The following ATRX variants were observed in gnomAD, a reference collection of about 807,000 sequenced individuals.
ATRX encodes ATRX chromatin remodeler.
A neutral mutation model predicts 172.6 loss-of-function variants in ATRX; 12 were observed. The observed-to-expected ratio is 0.07, with a 90% CI of 0.04 to 0.11. The LOEUF is 0.11. ATRX is among the 10% of genes least tolerant of loss of function. The pLI is 1.00. For missense variants in ATRX, 1,368 were observed against 1,767.4 expected (o/e 0.77, Z 4.05); for synonymous variants, 674 against 594.7 (o/e 1.13, Z -1.94).
At chrX:77,540,682 A>G (rs782676940) in intron 30 of ATRX, among the ~76,000 whole-genome samples, 46 of 112,263 alleles carry the variant, frequency 4.1e-4, no homozygotes, top group Non-Finnish European at 7.1e-4. Flanking sequence ...CTGCACAACT[A>G]CATGGAAACT....
At chrX:77,606,951 A>ATATCCTCT (rs2066934218) in intron 22 of ATRX, among the ~76,000 whole-genome samples, 2 of 111,694 alleles carry the variant, frequency 1.8e-5, no homozygotes, top group Non-Finnish European at 3.8e-5. Flanking sequence ...CATAATAAAA[A>ATATCCTCT]GCCCTAAAAA....
intron 1 of ATRX, among the ~76,000 whole-genome samples, chrX:77,724,384 A>C (rs1359838715): frequency 2.7e-5 from 3 of 110,666 alleles, no homozygotes; most frequent in Non-Finnish European, 5.7e-5. Flanking sequence ...TGAAAAAGAA[A>C]AAAAAAACTT....
intron 19 of ATRX, among the ~76,000 whole-genome samples, chrX:77,624,362 A>G (rs1468132619): frequency 2.7e-5 from 3 of 110,934 alleles, no homozygotes; most frequent in African/African-American, 9.8e-5. Context: ...GCGAGACTCC[A>G]TCTCAAAAAA....
chrX:77,693,126 A>G (rs188071825), intron 6 of ATRX, among the ~76,000 whole-genome samples: 77 of 110,814 alleles, frequency 6.9e-4, no homozygotes, highest in Non-Finnish European at 1.1e-3. Flanking sequence ...GACTCAAGTA[A>G]TTCTCCTGCC....
At chrX:77,565,437 T>C (rs1259300547) in intron 28 of ATRX, among the ~76,000 whole-genome samples, 1 of 112,288 alleles carries the variant, frequency 8.9e-6, no homozygotes, top group East Asian at 2.8e-4. Context: ...GATGTTAGAA[T>C]TGTCTGACAA....
intron 34 of ATRX, among the ~76,000 whole-genome samples, chrX:77,514,982 C>T (rs782256866): frequency 5.1e-4 from 57 of 112,225 alleles, no homozygotes; most frequent in Non-Finnish European, 7.7e-4. Flanking sequence ...AGAAAACACA[C>T]ACGTGGCCAA....
intron 25 of ATRX, among the ~76,000 whole-genome samples, chrX:77,598,656 T>G (rs1177471553): frequency 9.0e-6 from 1 of 111,393 alleles, no homozygotes; most frequent in Admixed American, 9.6e-5. Flanking sequence ...CTATTTCAAA[T>G]AGGCAGACAT....
intron 1 of ATRX, among the ~76,000 whole-genome samples, chrX:77,747,507 GAGT>G (rs2075130896): frequency 1.8e-5 from 2 of 111,633 alleles, no homozygotes; most frequent in Non-Finnish European, 3.8e-5. Flanking sequence ...CTGAGCTATA[GAGT>G]GAGACTGTCT....
chrX:77,568,476 T>C (rs1170674567), intron 28 of ATRX, among the ~76,000 whole-genome samples: 2 of 112,150 alleles, frequency 1.8e-5, no homozygotes, highest in Admixed American at 1.9e-4. Context: ...GAAATTTAAT[T>C]AGTGATTTTT....
intron 29 of ATRX, 63 bp downstream of exon 29, chrX:77,558,606 A>G (rs2064889112): frequency 5.0e-6 from 5 of 996,847 alleles, no homozygotes; most frequent in African/African-American, 1.9e-5. Flanking sequence ...TATGTTCCAT[A>G]TCTCTAAAAT....
At chrX:77,725,520 T>C (rs1557172188) in intron 1 of ATRX, among the ~76,000 whole-genome samples, 1 of 111,842 alleles carries the variant, frequency 8.9e-6, no homozygotes, top group Admixed American at 9.5e-5. Flanking sequence ...ATAAAAACCC[T>C]AGAAGAAAAC....
At chrX:77,710,825 T>C (rs1385746568) in intron 2 of ATRX, among the ~76,000 whole-genome samples, 1 of 110,643 alleles carries the variant, frequency 9.0e-6, no homozygotes, top group African/African-American at 3.3e-5. Flanking sequence ...TGGGTGTGAT[T>C]ATAAAATGCC....
intron 1 of ATRX, among the ~76,000 whole-genome samples, chrX:77,720,762 T>G (rs2073714416): frequency 8.9e-6 from 1 of 111,928 alleles, no homozygotes; most frequent in African/African-American, 3.3e-5. Flanking sequence ...GAGGAGCTGG[T>G]ACCATTCCTT....
At chrX:77,610,868 T>C (rs1022960271) in intron 22 of ATRX, among the ~76,000 whole-genome samples, 9 of 108,488 alleles carry the variant, frequency 8.3e-5, no homozygotes, top group Non-Finnish European at 1.3e-4. Context: ...TTCATTATTA[T>C]AAATAATGCC....
intron 22 of ATRX, among the ~76,000 whole-genome samples, chrX:77,602,379 T>C (rs1468046774): frequency 9.1e-6 from 1 of 110,449 alleles, no homozygotes; most frequent in Non-Finnish European, 1.9e-5. Context: ...TATGTTAATC[T>C]TTTCAAAGAA....
chrX:77,781,343 G>GA (rs1243504655), intron 1 of ATRX, among the ~76,000 whole-genome samples: 1 of 106,923 alleles, frequency 9.4e-6, no homozygotes, highest in African/African-American at 3.4e-5. Flanking sequence ...TCGGGAGGCT[G>GA]AGGCAGGAGA....
At position 77,681,797 on chromosome X, in the gene ATRX, T is replaced by C. The variant is rs782427169; in HGVS notation, c.3459A>G (p.Ser1153=). The C allele has an allele frequency of 3.2e-5, 38 of 1,196,119 alleles. No individual in the cohort carries two copies. The highest frequency in any genetic ancestry group is 1.0e-5 in the Non-Finnish European group (9 of 890,965). The stretch of plus-strand genomic sequence containing the variant: ...AACTTTCCTCAGCATCAGATGATGA[T>C]GAGCCACTTTGTATTTCCTTAGTAT... ...KRNTKEIQSG[S]SSSDAEESSE... is the part of the protein sequence containing the mutation. Residue 1153 remains serine, a synonymous_variant, in exon 9 of 35, where the codon TCA becomes TCG. Coordinates refer to ENST00000373344, the MANE Select transcript of ATRX (RefSeq NM_000489.6).
intron 27 of ATRX, among the ~76,000 whole-genome samples, chrX:77,582,434 A>G (rs1361412813): frequency 1.8e-5 from 2 of 110,966 alleles, no homozygotes; most frequent in African/African-American, 3.3e-5. Context: ...AAAGAAGAGA[A>G]GAGAAGAATT....
chrX:77,532,885 A>G (rs1181622815), intron 30 of ATRX, among the ~76,000 whole-genome samples: 1 of 112,254 alleles, frequency 8.9e-6, no homozygotes, highest in Non-Finnish European at 1.9e-5. Context: ...AACGTTTGCA[A>G]TCTATCTATA....
Sources: allele counts gnomAD v4.1 joint callset (sites outside exome capture counted in the v4.1 genomes callset), GRCh38; gene constraint gnomAD v4.1.1; transcripts MANE v1.5; gene names NCBI Gene and HGNC (gene_info 2026-07-23, HGNC 2026-07-21).